The following TTC34 variants were observed in gnomAD, a reference collection of about 807,000 sequenced individuals.
TTC34 encodes the protein tetratricopeptide repeat protein 34.
A neutral mutation model predicts 40.7 loss-of-function variants in TTC34; 44 were observed. That is an observed-to-expected ratio of 1.08 (90% CI 0.85 to 1.39). The LOEUF (loss-of-function observed/expected upper bound fraction) is 1.39, where lower values mean the gene tolerates loss of function less well. Among genes scored for constraint, TTC34 ranks in the 40% most tolerant of loss-of-function variants. The pLI is 0.00. For synonymous variants in TTC34, 422 were observed against 398.6 expected, an observed-to-expected ratio of 1.06 and a Z score of -0.70; for missense variants, 884 against 838.0, an observed-to-expected ratio of 1.05 and a Z score of -0.68.
At chr1:2,752,862 C>A (rs1354524103) in intron 6 of TTC34, among the ~76,000 whole-genome samples, 3 of 70,088 alleles carry the variant, frequency 4.3e-5, no homozygotes, top group South Asian at 5.3e-4. Context: ...CACACCCAGG[C>A]GAGCATCTGA....
At chr1:2,753,511 C>T (rs1288246721) in intron 6 of TTC34, among the ~76,000 whole-genome samples, 1 of 96,226 alleles carries the variant, frequency 1.0e-5, no homozygotes, top group African/African-American at 6.4e-5. Flanking sequence ...AGGCGAGCAT[C>T]GGACGGCCTG....
chr1:2,750,104 G>C (rs1445805361), intron 6 of TTC34, among the ~76,000 whole-genome samples: 11 of 89,764 alleles, frequency 1.2e-4, no homozygotes, highest in African/African-American at 3.9e-4. Context: ...GCATCTGACA[G>C]CCTGGAACAG....
At chr1:2,676,919 C>G (rs374420118) in intron 6 of TTC34, among the ~76,000 whole-genome samples, 8 of 141,828 alleles carry the variant, frequency 5.6e-5, no homozygotes, top group African/African-American at 2.2e-4. Flanking sequence ...CCTGGAGCAG[C>G]ACCCACACCC....
chr1:2,684,434 C>T (rs1333178412), intron 6 of TTC34, among the ~76,000 whole-genome samples: 1 of 140,898 alleles, frequency 7.1e-6, no homozygotes, highest in African/African-American at 2.6e-5. Flanking sequence ...CACCACCCTG[C>T]ACCCCCAGGT....
chr1:2,801,107 T>G (rs931098763), intron 1 of TTC34, among the ~76,000 whole-genome samples: 2 of 151,988 alleles, frequency 1.3e-5, no homozygotes, highest in Admixed American at 6.5e-5. Context: ...CCTTGCAGAA[T>G]GGGACAGTGG....
chr1:2,786,946 C>T (rs1643598438), intron 4 of TTC34, among the ~76,000 whole-genome samples: 1 of 152,194 alleles, frequency 6.6e-6, no homozygotes, highest in Admixed American at 6.5e-5. Flanking sequence ...AGGCCCTCAC[C>T]CCAGGCCCCA....
chr1:2,652,075 C>A lies in TTC34; in HGVS notation c.2227-6512G>T, dbSNP rs1468570046. Among the ~76,000 whole-genome samples, 46 of 29,292 alleles carry A rather than the reference C, an allele frequency of 1.6e-3. 2 individuals are homozygous for A. Among genetic ancestry groups the A allele is most frequent in the Non-Finnish European group, 2.6e-3 (30 of 11,532 alleles). The allele number at this position is 29,292 out of a possible 152,430, so 19.2% of individuals were successfully genotyped here. On this transcript the variant is annotated intron_variant, in intron 6 of 8. Transcript: ENST00000401095. Reference sequence around the variant, plus strand: ...GTGAGCATCTGACAGCCTGGAGGAGCACCCACACCCCCAGGTGAGCATCTG... The same window carrying A: ...GTGAGCATCTGACAGCCTGGAGGAGAACCCACACCCCCAGGTGAGCATCTG...
intron 6 of TTC34, among the ~76,000 whole-genome samples, chr1:2,700,421 G>A (rs571015827): frequency 1.8e-5 from 2 of 108,614 alleles, no homozygotes; most frequent in African/African-American, 5.7e-5. Context: ...ACCCCTAGGC[G>A]AGCATCCGAC....
intron 8 of TTC34, among the ~76,000 whole-genome samples, chr1:2,642,545 G>T (rs144180600): frequency 0.014 from 2,096 of 152,310 alleles, 23 homozygotes; most frequent in Admixed American, 0.024. Flanking sequence ...AGCCCACCCA[G>T]GCCCAATCGC....
chr1:2,694,153 A>C (rs1640754155), intron 6 of TTC34, among the ~76,000 whole-genome samples: 1 of 149,148 alleles, frequency 6.7e-6, no homozygotes, highest in Non-Finnish European at 1.5e-5. Flanking sequence ...ACACACCCCC[A>C]GGCGAGCATC....
At position 2,771,490 on chromosome 1, in the gene TTC34, G is replaced by C. The variant is rs372959845; in HGVS notation, c.2226+12119C>G. ...TCTGGAACAGCATCCACACCCCCAG[G>C]CGAGCATCTGACAGCCTGGAGTAGC... On this transcript the variant is annotated intron_variant, in intron 6 of 8. Transcript: ENST00000401095. Among the ~76,000 whole-genome samples, 7 of 81,726 alleles carry C rather than the reference G, an allele frequency of 8.6e-5. 1 individual carries two copies. The highest frequency in any genetic ancestry group is 1.3e-4 in the Non-Finnish European group (6 of 45,250). 53.6% of individuals were successfully genotyped at this position (81,726 alleles called of 152,430 possible). A position where few individuals can be genotyped will look rare whatever the true frequency, so the allele number is the denominator to read the frequency against.
intron 6 of TTC34, among the ~76,000 whole-genome samples, chr1:2,674,318 C>CCCCCAGG (rs1639813187): frequency 1.5e-5 from 1 of 68,182 alleles, no homozygotes; most frequent in Admixed American, 1.2e-4. Flanking sequence ...AGCACCCACT[C>CCCCCAGG]CCCCAGGTGA....
At chr1:2,771,443 A>C (rs1283115676) in intron 6 of TTC34, among the ~76,000 whole-genome samples, 251 of 45,190 alleles carry the variant, frequency 5.6e-3, no homozygotes, top group South Asian at 0.013. Flanking sequence ...GCACCCTGCA[A>C]CCCCAGGTGA....
At chr1:2,675,203 C>G (rs1185951722) in intron 6 of TTC34, among the ~76,000 whole-genome samples, 1 of 144,654 alleles carries the variant, frequency 6.9e-6, no homozygotes, top group Non-Finnish European at 1.5e-5. Flanking sequence ...ACCGACAACC[C>G]CAGGTGAGCA....
chr1:2,687,083 C>G (rs4648679), intron 6 of TTC34, among the ~76,000 whole-genome samples: 19,694 of 109,770 alleles, frequency 0.18, 2,028 homozygotes, highest in East Asian at 0.42. Flanking sequence ...AGGACCCACA[C>G]CCCCAGGTGA....
At chr1:2,687,443 C>G (rs1456683251) in intron 6 of TTC34, among the ~76,000 whole-genome samples, 1 of 143,052 alleles carries the variant, frequency 7.0e-6, no homozygotes, top group African/African-American at 2.9e-5. Flanking sequence ...GCAGCACCCA[C>G]AACCACAGGT....
At chr1:2,699,595 C>A (rs1284033032) in intron 6 of TTC34, among the ~76,000 whole-genome samples, 1 of 132,148 alleles carries the variant, frequency 7.6e-6, no homozygotes, top group Non-Finnish European at 1.7e-5. Context: ...CATCTGACAG[C>A]CTGGAGCAGC....
rs1641636394 is a variant in TTC34 at position 2,759,867 on chromosome 1, GTAGTATCCTGCACCCT to G, written c.2226+23726_2226+23741del. 7.3e-4 allele frequency among the ~76,000 whole-genome samples: 45 copies of G among 61,498 alleles called. 1 individual carries two copies. The highest frequency in any genetic ancestry group is 1.3e-3 in the Admixed American group (8 of 6,070). 40.3% of individuals were successfully genotyped at this position (61,498 alleles called of 152,430 possible). ...CCAGGTGAGCATCTGACAGCCTGGAGTAGTATCCTGCACCCTCAGGTGAGCATCTGACAGCCTGGAA... is the reference window on the plus strand; with the variant it reads ...CCAGGTGAGCATCTGACAGCCTGGAGCAGGTGAGCATCTGACAGCCTGGAA... On this transcript the variant is annotated intron_variant, in intron 6 of 8. Transcript: ENST00000401095.
exon 9 of TTC34, chr1:2,641,052 G>A: frequency 5.8e-6 from 1 of 172,132 alleles, no homozygotes; most frequent in East Asian, 1.2e-4. Flanking sequence ...GGGGAGGGCT[G>A]GGAAGGGAGG....
Sources: allele counts gnomAD v4.1 joint callset (sites outside exome capture counted in the v4.1 genomes callset), GRCh38; gene constraint gnomAD v4.1.1; transcripts MANE v1.5; gene names NCBI Gene and HGNC (gene_info 2026-07-23, HGNC 2026-07-21).